IL36B: variants seen among roughly 807,000 people sequenced by gnomAD.
IL36B encodes the protein interleukin-36 beta.
IL36B carries 23 observed loss-of-function variants against 19.3 expected under a neutral mutation model. The observed-to-expected ratio is 1.19, with a 90% confidence interval of 0.86 to 1.69. The LOEUF (loss-of-function observed/expected upper bound fraction) is 1.69, where lower values mean the gene tolerates loss of function less well. Ranked by LOEUF, IL36B falls within the 40% of genes most tolerant of loss-of-function variation. The probability of loss-of-function intolerance (pLI) is 0.00; values close to 1 mark genes in which losing one functional copy is unlikely to be tolerated. For missense variants in IL36B, 217 were observed against 200.5 expected (o/e 1.08, Z -0.50); for synonymous variants, 59 against 59.7 (o/e 0.99, Z 0.05).
chr2:113,029,140 TC>T (rs35872763), intron 3 of IL36B, 62 bp from the exon 4 acceptor site: 4 of 1,527,616 alleles, frequency 2.6e-6, no homozygotes, highest in South Asian at 2.5e-5. Context: ...ACTCAGTTAC[TC>T]CCCCCAGGTA....
rs1169249700 is a variant in IL36B at position 113,022,741 on chromosome 2, T to G, written c.428A>C (p.His143Pro). Residue 143 changes from histidine (H) to proline (P), a missense_variant, in exon 6 of 6, where the codon CAT becomes CCT. By Grantham distance (77) the His-to-Pro change is moderately conservative. Transcript: ENST00000259213. ...GAAATCTTTGTCCTTCTTCCTGAGATGGTGATGTTGAAAGGAACTCTTCCA... is the reference window on the plus strand; with the variant it reads ...GAAATCTTTGTCCTTCTTCCTGAGAGGGTGATGTTGAAAGGAACTCTTCCA... 1 of 1,613,188 alleles carries G rather than the reference T, an allele frequency of 6.2e-7. No homozygotes were observed. The highest frequency in any genetic ancestry group is 8.5e-7 in the Non-Finnish European group (1 of 1,179,298).
intron 1 of IL36B, among the ~76,000 whole-genome samples, chr2:113,044,336 G>C (rs997451751): frequency 4.6e-5 from 7 of 150,676 alleles, no homozygotes; most frequent in Non-Finnish European, 7.4e-5. Flanking sequence ...CTGTTGCCCA[G>C]GCTGGAGTAC....
intron 4 of IL36B, 100 bp downstream of exon 4, chr2:113,028,839 G>T: frequency 1.6e-6 from 2 of 1,290,290 alleles, no homozygotes; most frequent in Non-Finnish European, 2.2e-6. Flanking sequence ...ACATTGAATA[G>T]TCCAGGGTTG....
chr2:113,036,153 C>A (rs1685164430), intron 1 of IL36B, among the ~76,000 whole-genome samples: 1 of 152,034 alleles, frequency 6.6e-6, no homozygotes, highest in Non-Finnish European at 1.5e-5. Context: ...GCCATGTTGG[C>A]CAGCCTGGTC....
rs138243039 is a variant in IL36B at position 113,028,025 on chromosome 2, G to A, written c.261+914C>T. The A allele has an allele frequency of 3.6e-4, 581 of 1,614,126 alleles. 6 individuals are homozygous for A. The Middle Eastern group carries it at 4.6e-3, about 13-fold the overall frequency. The stretch of plus-strand genomic sequence containing the variant: ...AACCAGCCAGGGTAAGAGACTGACT[G>A]AAAGACAGAAGTGGAGCCTTCTTTA... On this transcript the variant is annotated intron_variant, in intron 4 of 5. Coordinates refer to ENST00000259213, the MANE Select transcript of IL36B (RefSeq NM_014438.5).
At chr2:113,040,013 C>T (rs1385699047) in intron 1 of IL36B, among the ~76,000 whole-genome samples, 1 of 152,210 alleles carries the variant, frequency 6.6e-6, no homozygotes, top group Admixed American at 6.5e-5. Flanking sequence ...TGAAGTTGCA[C>T]AGTGTAGAAA....
At chr2:113,034,394 G>A (rs568176935) in intron 1 of IL36B, among the ~76,000 whole-genome samples, 1 of 152,270 alleles carries the variant, frequency 6.6e-6, no homozygotes, top group Non-Finnish European at 1.5e-5. Flanking sequence ...ATCTCCAAGA[G>A]TCCCTCACCC....
At chr2:113,033,234 CT>C (rs548110683) in intron 1 of IL36B, among the ~76,000 whole-genome samples, 57 of 151,632 alleles carry the variant, frequency 3.8e-4, no homozygotes, top group Non-Finnish European at 6.3e-4. Context: ...GCTACATTTA[CT>C]TTTTTTTTGG....
chr2:113,040,993 A>G (rs947715505), intron 1 of IL36B, among the ~76,000 whole-genome samples: 2 of 152,168 alleles, frequency 1.3e-5, no homozygotes, highest in Non-Finnish European at 2.9e-5. Context: ...CTGTCTCTAA[A>G]AAAACACAAA....
At position 113,031,255 on chromosome 2, in the gene IL36B, TCTCATTG is replaced by T. The variant is rs1384774025; in HGVS notation, c.14-107_14-101del. 3.9e-6 allele frequency: 3 copies of T among 775,640 alleles called. No homozygotes were observed. The Admixed American group carries it at 5.9e-5, about 15-fold the overall frequency. 48.0% of individuals were successfully genotyped at this position (775,640 alleles called of 1,614,324 possible). A position where few individuals can be genotyped will look rare whatever the true frequency, so the allele number is the denominator to read the frequency against. On this transcript the variant is annotated intron_variant, in intron 2 of 5. Coordinates refer to ENST00000259213, the MANE Select transcript of IL36B (RefSeq NM_014438.5). The stretch of plus-strand genomic sequence containing the variant: ...ATGGCTTTTGAGTTTCTGGAGAGAG[TCTCATTG>T]CTCTGAGAAGTAGTGGCTATAACGA...
At position 113,031,642 on chromosome 2, in the gene IL36B, C is replaced by A. The variant is rs560500378; in HGVS notation, c.13+55G>T. The A allele has an allele frequency of 4.7e-6, 7 of 1,487,588 alleles. No homozygotes were observed. In the East Asian group the frequency reaches 1.6e-4, roughly 34 times the overall value. The allele number at this position is 1,487,588 out of a possible 1,614,324, so 92.1% of individuals were successfully genotyped here. On this transcript the variant is annotated intron_variant, in intron 2 of 5. Transcript: ENST00000259213. ...GATAGGGGTCCTTCCATCCTATTGT[C>A]TTTGATGAGGTCAGATGGAGATATT...
At chr2:113,026,362 T>A in intron 4 of IL36B, 1 of 1,417,968 alleles carries the variant, frequency 7.1e-7, no homozygotes. Flanking sequence ...TTCAGGAGTA[T>A]CCCAAAGAGA....
intron 5 of IL36B, chr2:113,026,075 G>C: frequency 6.2e-7 from 1 of 1,610,348 alleles, no homozygotes; most frequent in Non-Finnish European, 8.5e-7. Context: ...GTCCACCTGT[G>C]GGATGGATAA....
chr2:113,046,208 CTTTTTTTTTT>C (rs1179343491), intron 1 of IL36B, among the ~76,000 whole-genome samples: 150 of 11,200 alleles, frequency 0.013, no homozygotes, highest in Middle Eastern at 0.1. Flanking sequence ...CAGGTTTTTT[CTTTTTTTTTT>C]TTTTTTTTTG....
At chr2:113,032,620 A>T (rs1685097625) in intron 1 of IL36B, among the ~76,000 whole-genome samples, 1 of 152,178 alleles carries the variant, frequency 6.6e-6, no homozygotes, top group Non-Finnish European at 1.5e-5. Context: ...ACATGAAAGA[A>T]GTTCCCCATA....
At chr2:113,028,811 G>T in intron 4 of IL36B, 128 bp downstream of exon 4, 2 of 921,682 alleles carry the variant, frequency 2.2e-6, no homozygotes, top group Non-Finnish European at 3.2e-6. Flanking sequence ...GGATCAGCCA[G>T]GTCAGAATTA....
chr2:113,027,093 G>A (rs1684976053), intron 4 of IL36B, among the ~76,000 whole-genome samples: 1 of 152,176 alleles, frequency 6.6e-6, no homozygotes, highest in Admixed American at 6.5e-5. Context: ...CAATGAAGTA[G>A]GCTAGAGGAA....
At position 113,048,753 on chromosome 2, in the gene IL36B, A is replaced by G. The variant is rs34262394; in HGVS notation, c.-58+4064T>C. On this transcript the variant is annotated intron_variant, in intron 1 of 5. Coordinates refer to ENST00000259213, the MANE Select transcript of IL36B (RefSeq NM_014438.5). ...AGGAGACTAATTACCAGTTTCATGA[A>G]TAGAAGAGGGACATCACTACTGATT... 2.4e-3 allele frequency among the ~76,000 whole-genome samples: 366 copies of G among 152,264 alleles called. 2 individuals are homozygous for G. Among genetic ancestry groups the G allele is most frequent in the African/African-American group, 8.3e-3 (347 of 41,558 alleles).
At chr2:113,038,855 A>T (rs1054269106) in intron 1 of IL36B, among the ~76,000 whole-genome samples, 3 of 152,158 alleles carry the variant, frequency 2.0e-5, no homozygotes, top group Non-Finnish European at 2.9e-5. Context: ...ATTCAGAGAC[A>T]TCCTGGAGAG....
Sources: allele counts gnomAD v4.1 joint callset (sites outside exome capture counted in the v4.1 genomes callset), GRCh38; gene constraint gnomAD v4.1.1; transcripts MANE v1.5; gene names NCBI Gene and HGNC (gene_info 2026-07-23, HGNC 2026-07-21).